CSMD1: variants seen among roughly 807,000 people sequenced by gnomAD.
CSMD1 encodes CUB and sushi domain-containing protein 1.
CSMD1 carries 213 observed loss-of-function variants against 417.5 expected under a neutral mutation model. The ratio of observed to expected loss-of-function variants is 0.51; its 90% CI spans 0.46 to 0.57. The LOEUF (loss-of-function observed/expected upper bound fraction) is 0.57, where lower values mean the gene tolerates loss of function less well. Ranked by LOEUF, CSMD1 falls within the 20% of genes least tolerant of loss-of-function variation. The probability of loss-of-function intolerance (pLI) is 0.00; values close to 1 mark genes in which losing one functional copy is unlikely to be tolerated. For missense variants in CSMD1, 6,923 were observed against 4,529.7 expected (o/e 1.53, Z -15.17); for synonymous variants, 2,862 against 1,736.8 (o/e 1.65, Z -16.11).
intron 5 of CSMD1, among the ~76,000 whole-genome samples, chr8:3,931,763 C>G (rs1354442785): frequency 6.7e-6 from 1 of 148,604 alleles, no homozygotes; most frequent in African/African-American, 2.5e-5. Flanking sequence ...ACAAGGTGAG[C>G]AAGGAGCACC....
At chr8:4,020,101 G>A (rs982273246) in intron 4 of CSMD1, among the ~76,000 whole-genome samples, 2 of 152,086 alleles carry the variant, frequency 1.3e-5, no homozygotes, top group African/African-American at 4.8e-5. Context: ...TATTTTTAGA[G>A]TTTCTCTATG....
chr8:4,429,456 G>A (rs539446126), intron 2 of CSMD1, among the ~76,000 whole-genome samples: 1 of 152,094 alleles, frequency 6.6e-6, no homozygotes, highest in East Asian at 1.9e-4. Context: ...GGCTCAGTTT[G>A]GTTCTTTGGC....
At chr8:4,010,720 G>A (rs1816477621) in intron 4 of CSMD1, among the ~76,000 whole-genome samples, 1 of 152,062 alleles carries the variant, frequency 6.6e-6, no homozygotes, top group African/African-American at 2.4e-5. Flanking sequence ...TCCCTATCAT[G>A]TCCTCATCTC....
At chr8:4,759,414 A>T (rs1480617136) in intron 1 of CSMD1, among the ~76,000 whole-genome samples, 1 of 152,182 alleles carries the variant, frequency 6.6e-6, no homozygotes, top group African/African-American at 2.4e-5. Flanking sequence ...TCTCTGAAAA[A>T]ATTTTAAGTT....
rs550860996 is a variant in CSMD1 at position 4,403,469 on chromosome 8, G to C, written c.415+16484C>G. On this transcript the variant is annotated intron_variant, in intron 3 of 69. Coordinates refer to ENST00000635120, the MANE Select transcript of CSMD1 (RefSeq NM_033225.6). Reference sequence around the variant, plus strand: ...AAATGTCCTTATCAGGGTCACCAATGACCTACTTATGGTGAAATCCAGTGA... The same window carrying C: ...AAATGTCCTTATCAGGGTCACCAATCACCTACTTATGGTGAAATCCAGTGA... Among the ~76,000 whole-genome samples, 5 of 152,168 alleles carry C rather than the reference G, an allele frequency of 3.3e-5. No homozygotes were observed. The East Asian group carries it at 5.9e-4, about 18-fold the overall frequency.
chr8:4,296,174 C>A (rs947471446), intron 3 of CSMD1, among the ~76,000 whole-genome samples: 1 of 152,064 alleles, frequency 6.6e-6, no homozygotes, highest in African/African-American at 2.4e-5. Context: ...CTCAGGGTCT[C>A]CCTCCTGGCA....
At chr8:4,859,289 G>C (rs985878771) in intron 1 of CSMD1, among the ~76,000 whole-genome samples, 2 of 152,016 alleles carry the variant, frequency 1.3e-5, no homozygotes, top group African/African-American at 4.8e-5. Flanking sequence ...AGACTTAAAC[G>C]TTAGACCTAA....
intron 2 of CSMD1, among the ~76,000 whole-genome samples, chr8:4,559,389 A>G (rs960962889): frequency 6.6e-6 from 1 of 152,170 alleles, no homozygotes; most frequent in African/African-American, 2.4e-5. Context: ...ATCTTCATAT[A>G]CTATTTCACC....
At position 3,790,456 on chromosome 8, in the gene CSMD1, T is replaced by C. The variant is rs182047958; in HGVS notation, c.819-36414A>G. Reference sequence around the variant, plus strand: ...AATGATGGTGATGATGACACGGTTATGGTAATGTTGATGGTGATGCTAATG... The same window carrying C: ...AATGATGGTGATGATGACACGGTTACGGTAATGTTGATGGTGATGCTAATG... On this transcript the variant is annotated intron_variant, in intron 5 of 69. Coordinates refer to ENST00000635120, the MANE Select transcript of CSMD1 (RefSeq NM_033225.6). Among the ~76,000 whole-genome samples, 4 of 152,304 alleles carry C rather than the reference T, an allele frequency of 2.6e-5. No individual in the cohort carries two copies. In the East Asian group the frequency reaches 7.7e-4, roughly 29 times the overall value.
At chr8:3,951,095 C>A (rs545525364) in intron 5 of CSMD1, among the ~76,000 whole-genome samples, 1 of 152,154 alleles carries the variant, frequency 6.6e-6, no homozygotes, top group Non-Finnish European at 1.5e-5. Flanking sequence ...ATACATTAAT[C>A]TGAAAGAATA....
intron 2 of CSMD1, among the ~76,000 whole-genome samples, chr8:4,570,551 G>A (rs1798839896): frequency 1.3e-5 from 2 of 152,250 alleles, no homozygotes; most frequent in South Asian, 4.2e-4. Flanking sequence ...TTTTATTGAG[G>A]ATTTTCACAT....
At chr8:3,872,703 G>C (rs890628334) in intron 5 of CSMD1, among the ~76,000 whole-genome samples, 1 of 152,012 alleles carries the variant, frequency 6.6e-6, no homozygotes, top group African/African-American at 2.4e-5. Context: ...CTACTTAGAA[G>C]GCCTTGTTCT....
rs117880156 is a variant in CSMD1 at position 3,606,267 on chromosome 8, G to T, written c.1097+10443C>A. On this transcript the variant is annotated intron_variant, in intron 8 of 69. Coordinates refer to ENST00000635120, the MANE Select transcript of CSMD1 (RefSeq NM_033225.6). The stretch of plus-strand genomic sequence containing the variant: ...TGCATTGTTAGGCAATTTGGTGGTT[G>T]TGCGAACATCACAGAGGGCCCTTAC... 2.7e-3 allele frequency among the ~76,000 whole-genome samples: 417 copies of T among 152,196 alleles called. 3 individuals carry two copies. Among genetic ancestry groups the T allele is most frequent in the African/African-American group, 9.7e-3 (403 of 41,520 alleles).
At chr8:3,700,760 CA>C (rs1275744965) in intron 7 of CSMD1, 1 of 152,188 alleles carries the variant, frequency 6.6e-6, no homozygotes, top group African/African-American at 2.4e-5. Flanking sequence ...CCTCAAGAAA[CA>C]GCCCAGAAAC....
At chr8:4,002,415 T>G (rs1452310089) in intron 4 of CSMD1, among the ~76,000 whole-genome samples, 1 of 152,242 alleles carries the variant, frequency 6.6e-6, no homozygotes, top group African/African-American at 2.4e-5. Context: ...ACCTAACTAA[T>G]ATGTTTGATG....
chr8:4,789,929 G>C (rs1223913015), intron 1 of CSMD1, among the ~76,000 whole-genome samples: 3 of 152,142 alleles, frequency 2.0e-5, no homozygotes, highest in Non-Finnish European at 2.9e-5. Flanking sequence ...TGTTCTGCCA[G>C]AGAAAAATGT....
rs980237795 is a variant in CSMD1 at position 3,574,894 on chromosome 8, C to G, written c.1344+51G>C. ...GGGCTGTTTGCTTCAACAATAGATCCTATAAGAGTGCTGTGTGCATTAACC... is the reference window on the plus strand; with the variant it reads ...GGGCTGTTTGCTTCAACAATAGATCGTATAAGAGTGCTGTGTGCATTAACC... On this transcript the variant is annotated intron_variant, in intron 10 of 69. Transcript: ENST00000635120. The G allele has an allele frequency of 5.6e-6, 9 of 1,595,762 alleles. No individual in the cohort carries two copies. In the African/African-American group the frequency reaches 6.7e-5, roughly 12 times the overall value.
In CSMD1 at chr8:3,409,423, A is replaced by T; in HGVS notation, c.1744T>A (p.Phe582Ile). The T allele has an allele frequency of 1.9e-6, 3 of 1,607,010 alleles. No individual in the cohort carries two copies. The highest frequency in any genetic ancestry group is 2.5e-6 in the Non-Finnish European group (3 of 1,176,684). ...QWSGNKPSCV[F>I]SCFFNFTASS... is the part of the protein sequence containing the mutation. ...GTCCAGGTCAAGGCATAATACTCAC[A>T]TACACAGCTGGGCTTGTTGCCAGAC... The change falls in exon 13 of 70, where the codon TTT becomes ATT. Residue 582 changes from phenylalanine (F) to isoleucine (I), a missense_variant and splice_region_variant. By Grantham distance (21) the Phe-to-Ile change is conservative (BLOSUM62 0). Transcript: ENST00000635120.
intron 65 of CSMD1, among the ~76,000 whole-genome samples, chr8:2,953,166 A>G (rs1037036610): frequency 6.6e-6 from 1 of 152,200 alleles, no homozygotes; most frequent in Non-Finnish European, 1.5e-5. Context: ...CCATTGAAGA[A>G]CATGTTGCCT....
Sources: gnomAD v4.1 joint callset for allele counts (sites outside exome capture counted in the v4.1 genomes callset) on GRCh38, gnomAD v4.1.1 for gene constraint, MANE v1.5 for transcripts, NCBI Gene and HGNC (gene_info 2026-07-23, HGNC 2026-07-21) for gene names.